CASQ2: variants seen among roughly 807,000 people sequenced by gnomAD.
CASQ2 encodes calsequestrin 2, also known as calsequestrin-2.
A neutral mutation model predicts 46.5 loss-of-function variants in CASQ2; 49 were observed. The observed-to-expected ratio is 1.05, with a 90% CI of 0.84 to 1.34. CASQ2 has a LOEUF of 1.34. CASQ2 is among the 40% of genes most tolerant of loss of function. CASQ2 has a pLI of 0.00. For synonymous variants in CASQ2, 174 were observed against 168.5 expected (o/e 1.03, Z -0.25); for missense variants, 486 against 481.3 (o/e 1.01, Z -0.09).
Position 115,768,574 on chromosome 1 carries a change from T to C in CASQ2, c.-33A>G, listed in dbSNP as rs547311792. ...AACTTTTGTTTCTCGTTCCCAAATA[T>C]GCTGTGTGCAGAATAGAGGACAGAA... On this transcript the variant is annotated 5_prime_UTR_variant, in exon 1 of 11. Transcript: ENST00000261448. 1.8e-5 allele frequency: 25 copies of C among 1,403,320 alleles called. No individual in the cohort carries two copies. The African/African-American group carries it at 3.1e-4, about 17-fold the overall frequency. 86.9% of individuals were successfully genotyped at this position (1,403,320 alleles called of 1,614,324 possible). A position where few individuals can be genotyped will look rare whatever the true frequency, so the allele number is the denominator to read the frequency against.
chr1:115,706,140 GTGTGTGTGCGTGCGTGTGTGTA>G lies in CASQ2; in HGVS notation c.839-870_839-849del, dbSNP rs770420146. 6.7e-3 allele frequency among the ~76,000 whole-genome samples: 1,012 copies of G among 151,902 alleles called. 9 individuals carry two copies. The highest frequency in any genetic ancestry group is 0.041 in the Middle Eastern group (12 of 294). On this transcript the variant is annotated intron_variant, in intron 8 of 10. Coordinates refer to ENST00000261448, the MANE Select transcript of CASQ2 (RefSeq NM_001232.4). ...CCTGAGAATAATAAACTGTGCCTGT[GTGTGTGTGCGTGCGTGTGTGTA>G]TGTGTGTGCGTGCGTGTGTGTATGT...
intron 1 of CASQ2, among the ~76,000 whole-genome samples, chr1:115,753,053 A>G (rs77120521): frequency 0.015 from 2,256 of 152,348 alleles, 68 homozygotes; most frequent in African/African-American, 0.051. Context: ...ATGAGGAAAC[A>G]AAGTGGAGGA....
At chr1:115,714,555 G>C (rs1314708439) in intron 8 of CASQ2, among the ~76,000 whole-genome samples, 1 of 152,148 alleles carries the variant, frequency 6.6e-6, no homozygotes, top group Non-Finnish European at 1.5e-5. Flanking sequence ...GTGGGGTTAG[G>C]TGTTTGGTTG....
intron 3 of CASQ2, among the ~76,000 whole-genome samples, chr1:115,740,477 G>A (rs1410401931): frequency 6.6e-6 from 1 of 152,156 alleles, no homozygotes; most frequent in African/African-American, 2.4e-5. Context: ...AGACGTCTAT[G>A]TATAACTGGT....
chr1:115,757,944 A>C (rs1249183105), intron 1 of CASQ2, among the ~76,000 whole-genome samples: 1 of 152,210 alleles, frequency 6.6e-6, no homozygotes, highest in Non-Finnish European at 1.5e-5. Flanking sequence ...GCAAACATTT[A>C]TTAAATTCCA....
intron 2 of CASQ2, among the ~76,000 whole-genome samples, chr1:115,741,651 C>T (rs553320556): frequency 9.8e-5 from 15 of 152,340 alleles, no homozygotes; most frequent in African/African-American, 2.6e-4. Flanking sequence ...GAATCCCACA[C>T]ATCTTCTTTA....
chr1:115,754,198 T>C (rs1321801940), intron 1 of CASQ2, among the ~76,000 whole-genome samples: 1 of 152,164 alleles, frequency 6.6e-6, no homozygotes, highest in Non-Finnish European at 1.5e-5. Context: ...ATGTGATGTG[T>C]TCACGAAGGA....
chr1:115,751,311 T>C (rs1007264907), intron 1 of CASQ2, among the ~76,000 whole-genome samples: 1 of 152,070 alleles, frequency 6.6e-6, no homozygotes, highest in African/African-American at 2.4e-5. Context: ...TTAACAAAAA[T>C]GTGTAAGACA....
chr1:115,744,150 AAAAAAAAGAAAAAAAG>A (rs931195928), intron 2 of CASQ2, among the ~76,000 whole-genome samples: 2 of 151,878 alleles, frequency 1.3e-5, no homozygotes, highest in Non-Finnish European at 2.9e-5. Context: ...TCAAAAAAAA[AAAAAAAAGAAAAAAAG>A]AAAAGAAAAA....
At chr1:115,705,850 C>T (rs1654343632) in intron 8 of CASQ2, among the ~76,000 whole-genome samples, 1 of 138,486 alleles carries the variant, frequency 7.2e-6, no homozygotes, top group African/African-American at 2.6e-5. Flanking sequence ...GTATACTGGG[C>T]CCTCCCTCTG....
intron 8 of CASQ2, among the ~76,000 whole-genome samples, 164 bp from the exon 9 acceptor site, chr1:115,705,456 G>A (rs546888240): frequency 2.8e-4 from 43 of 152,322 alleles, no homozygotes; most frequent in African/African-American, 1.0e-3. Context: ...TCCAGGCACA[G>A]AGCAGATTAT....
intron 1 of CASQ2, among the ~76,000 whole-genome samples, chr1:115,766,959 A>T (rs911589942): frequency 5.9e-5 from 9 of 152,154 alleles, no homozygotes; most frequent in Non-Finnish European, 1.0e-4. Flanking sequence ...AAAAAATTAG[A>T]ATCAGAAATG....
rs982115712 is a variant in CASQ2, at chr1:115,740,501, T to C, written c.420+227A>G. ...TGTATAACTGGTAACAGAATTAGCA[T>C]ATTACTACTACATGGCCCCCAACAG... On this transcript the variant is annotated intron_variant, in intron 3 of 10. Transcript: ENST00000261448. Among the ~76,000 whole-genome samples the C allele has an allele frequency of 2.6e-5, 4 of 152,186 alleles. No individual in the cohort carries two copies. In the South Asian group the frequency reaches 8.3e-4, roughly 32 times the overall value.
chr1:115,750,940 A>G (rs1648559779), intron 1 of CASQ2, among the ~76,000 whole-genome samples: 1 of 40,128 alleles, frequency 2.5e-5, no homozygotes, highest in South Asian at 9.4e-4. Flanking sequence ...ATCCAAGTAG[A>G]TCTCATCTTC....
At chr1:115,747,632 C>T (rs1377541983) in intron 1 of CASQ2, among the ~76,000 whole-genome samples, 1 of 152,028 alleles carries the variant, frequency 6.6e-6, no homozygotes, top group Non-Finnish European at 1.5e-5. Context: ...TTTATTTGAT[C>T]TTCTTTGGTT....
intron 1 of CASQ2, 50 bp downstream of exon 1, chr1:115,768,258 C>T: frequency 8.3e-7 from 1 of 1,207,034 alleles, no homozygotes; most frequent in Non-Finnish European, 1.2e-6. Flanking sequence ...AAGGCATTCC[C>T]TCGGCACCTC....
chr1:115,732,179 T>C (rs1647811800), intron 5 of CASQ2: 1 of 152,328 alleles, frequency 6.6e-6, no homozygotes, highest in African/African-American at 2.4e-5. Context: ...CCTCCCAAAG[T>C]GTTGGGATTA....
At chr1:115,713,098 T>C (rs1340558566) in intron 8 of CASQ2, among the ~76,000 whole-genome samples, 1 of 152,006 alleles carries the variant, frequency 6.6e-6, no homozygotes, top group African/African-American at 2.4e-5. Flanking sequence ...ATTTCCAGCT[T>C]GTTAGCGCTA....
intron 1 of CASQ2, among the ~76,000 whole-genome samples, chr1:115,750,808 A>G (rs1475795426): frequency 6.6e-6 from 1 of 152,216 alleles, no homozygotes; most frequent in African/African-American, 2.4e-5. Flanking sequence ...CGCCCAGCCT[A>G]AAAATTCTAT....
Sources: gnomAD v4.1 joint callset for allele counts (sites outside exome capture counted in the v4.1 genomes callset) on GRCh38, gnomAD v4.1.1 for gene constraint, MANE v1.5 for transcripts, NCBI Gene and HGNC (gene_info 2026-07-23, HGNC 2026-07-21) for gene names.